Variants in RBM17 observed in about 807,000 individuals in gnomAD.
RBM17 encodes the protein splicing factor 45.
In RBM17, 7 loss-of-function variants were observed where a neutral mutation model predicts 53.2. That is an observed-to-expected ratio of 0.13 (90% CI 0.07 to 0.25). The LOEUF is 0.25. RBM17 is among the 10% of genes least tolerant of loss of function. The pLI is 1.00. For synonymous variants in RBM17, 167 were observed against 178.1 expected, an observed-to-expected ratio of 0.94 and a Z score of 0.50; for missense variants, 257 against 496.7, an observed-to-expected ratio of 0.52 and a Z score of 4.59.
Position 6,112,022 on chromosome 10 carries a change from A to G in RBM17, c.705-188A>G, listed in dbSNP as rs1024308998. Among the ~76,000 whole-genome samples the G allele has an allele frequency of 1.3e-5, 2 of 151,962 alleles. No homozygotes were observed. The highest frequency in any genetic ancestry group is 1.5e-5 in the Non-Finnish European group (1 of 67,992). On this transcript the variant is annotated intron_variant, in intron 7 of 11. Coordinates refer to ENST00000379888, the MANE Select transcript of RBM17 (RefSeq NM_032905.5). The surrounding 1 kb of genome is among the most constrained non-coding windows in gnomAD (Gnocchi z 4.4). ...CTGGATTTTATTCATAGCTTTTTCTATTTCTTTCATGCTGCACATCCCCAC... is the reference window on the plus strand; with the variant it reads ...CTGGATTTTATTCATAGCTTTTTCTGTTTCTTTCATGCTGCACATCCCCAC...
chr10:6,108,858 C>T (rs1840794826), intron 6 of RBM17, 116 bp downstream of exon 6: 2 of 466,886 alleles, frequency 4.3e-6, no homozygotes, highest in Admixed American at 9.9e-5. Context: ...GCCTGCAAGC[C>T]TGCCTGGCTC....
In RBM17 at chr10:6,110,008, A is replaced by C; in HGVS notation, c.585A>C (p.Glu195Asp). ...DKELPRDFPY[E>D]EDSRPRSQSS... is the part of the protein sequence containing the mutation. Reference sequence around the variant, plus strand: ...TAGTACCCCGAGATTTTCCTTATGAAGAGGACTCAAGACCTCGATCACAGT... The same window carrying C: ...TAGTACCCCGAGATTTTCCTTATGACGAGGACTCAAGACCTCGATCACAGT... The change falls in exon 7 of 12, where the codon GAA becomes GAC. Residue 195 changes from glutamate to aspartate, a missense_variant. Around this residue, in one of 6 missense-constraint regions of RBM17, gnomAD observed 68 missense variants for 60.0 expected, o/e 1.13. Coordinates refer to ENST00000379888, the MANE Select transcript of RBM17 (RefSeq NM_032905.5). 6.2e-7 allele frequency: 1 copy of C among 1,609,888 alleles called. No individual in the cohort carries two copies. The highest frequency in any genetic ancestry group is 8.5e-7 in the Non-Finnish European group (1 of 1,177,680).
rs1161912788 is a variant in RBM17, at chr10:6,097,080, T to A, written c.15T>A (p.Asp5Glu). Residue 5 changes from aspartate (D) to glutamate (E), a missense_variant, in exon 2 of 12, where the codon GAT becomes GAA. Around this residue, in one of 6 missense-constraint regions of RBM17, gnomAD observed 127 missense variants for 217.2 expected, o/e 0.58. Coordinates refer to ENST00000379888, the MANE Select transcript of RBM17 (RefSeq NM_032905.5). MSLY[D>E]DLGVETSDSK... Reference sequence around the variant, plus strand: ...CTGAAGAAAAGATGTCCCTGTACGATGACCTAGGAGTGGAGACCAGTGACT... The same window carrying A: ...CTGAAGAAAAGATGTCCCTGTACGAAGACCTAGGAGTGGAGACCAGTGACT... The A allele has an allele frequency of 1.2e-6, 2 of 1,613,594 alleles. No homozygotes were observed. Among genetic ancestry groups the A allele is most frequent in the East Asian group, 2.2e-5 (1 of 44,886 alleles).
chr10:6,100,235 A>G (rs1330989745), intron 2 of RBM17, among the ~76,000 whole-genome samples: 1 of 152,186 alleles, frequency 6.6e-6, no homozygotes, highest in Non-Finnish European at 1.5e-5. Flanking sequence ...AAAATTTGTA[A>G]CACTTTAAAT....
Position 6,097,975 on chromosome 10 carries a change from C to T in RBM17, c.123+787C>T, listed in dbSNP as rs79593595. Reference sequence around the variant, plus strand: ...TGAGGGCTCAGGTTGATTGTGAAGGCGTCAGGCATAGGTAGTCTGGATGCT... The same window carrying T: ...TGAGGGCTCAGGTTGATTGTGAAGGTGTCAGGCATAGGTAGTCTGGATGCT... On this transcript the variant is annotated intron_variant, in intron 2 of 11. Coordinates refer to ENST00000379888, the MANE Select transcript of RBM17 (RefSeq NM_032905.5). 1.6e-4 allele frequency among the ~76,000 whole-genome samples: 25 copies of T among 152,264 alleles called. 1 individual carries two copies. The highest frequency in any genetic ancestry group is 3.4e-4 in the Non-Finnish European group (23 of 68,018).
chr10:6,096,080 G>A (rs551461908), intron 1 of RBM17, among the ~76,000 whole-genome samples: 1 of 152,260 alleles, frequency 6.6e-6, no homozygotes, highest in South Asian at 2.1e-4. Flanking sequence ...GCATTTACTT[G>A]CAATTTGTGG....
chr10:6,091,338 C>G (rs1178607757), intron 1 of RBM17, among the ~76,000 whole-genome samples: 1 of 152,122 alleles, frequency 6.6e-6, no homozygotes, highest in Admixed American at 6.5e-5. Flanking sequence ...GGATTACAGG[C>G]GTGAGCCACT....
chr10:6,108,195 G>A (rs754158510), intron 5 of RBM17, among the ~76,000 whole-genome samples: 2 of 152,168 alleles, frequency 1.3e-5, no homozygotes, highest in Non-Finnish European at 2.9e-5. Context: ...GGGAGATATG[G>A]CAACGCAGGG....
rs558503608 is a variant in RBM17 at position 6,106,257 on chromosome 10, T to C, written c.505+19T>C. ...AAAAGAAGTAAGGCATGAACAAATA[T>C]GTCTTAAACATATATAAATACTGGA... is the stretch of plus-strand genomic sequence containing the variant. On this transcript the variant is annotated intron_variant, in intron 5 of 11. Transcript: ENST00000379888. 8.0e-6 allele frequency: 12 copies of C among 1,498,236 alleles called. No individual in the cohort carries two copies. The highest frequency in any genetic ancestry group is 4.5e-5 in the South Asian group (4 of 88,066). The allele number at this position is 1,498,236 out of a possible 1,614,324, so 92.8% of individuals were successfully genotyped here.
chr10:6,107,323 G>GTGC (rs1482318520), intron 5 of RBM17, among the ~76,000 whole-genome samples: 2 of 151,750 alleles, frequency 1.3e-5, no homozygotes, highest in Non-Finnish European at 2.9e-5. Context: ...GATTACAGGT[G>GTGC]TGCGCTACCA....
chr10:6,099,944 G>T (rs1840646671), intron 2 of RBM17, among the ~76,000 whole-genome samples: 1 of 152,014 alleles, frequency 6.6e-6, no homozygotes, highest in Non-Finnish European at 1.5e-5. Context: ...TGTAATCCCA[G>T]CTACTCTGGA....
At chr10:6,107,474 G>A (rs1367082182) in intron 5 of RBM17, among the ~76,000 whole-genome samples, 3 of 53,490 alleles carry the variant, frequency 5.6e-5, no homozygotes, top group Non-Finnish European at 1.2e-4. Context: ...CACTGCACCC[G>A]GCCTCTTTTT....
intron 10 of RBM17, 200 bp from the exon 11 acceptor site, chr10:6,115,039 T>C: frequency 6.9e-6 from 4 of 577,506 alleles, no homozygotes; most frequent in Non-Finnish European, 1.2e-5. Context: ...TCCTGGCACC[T>C]AACAATGCCT....
chr10:6,106,139 A>G lies in RBM17; in HGVS notation c.408-2A>G. On this transcript the variant is annotated splice_acceptor_variant, in intron 4 of 11. Transcript: ENST00000379888. LOFTEE classifies it high-confidence loss of function. ...GAACATTTATTTCCTTTGTTATCAC[A>G]GAAGGCGTAAAGACAGACATGAAGC... is the stretch of plus-strand genomic sequence containing the variant. 6.2e-7 allele frequency: 1 copy of G among 1,607,392 alleles called. No individual in the cohort carries two copies. The highest frequency in any genetic ancestry group is 8.5e-7 in the Non-Finnish European group (1 of 1,173,938).
intron 1 of RBM17, among the ~76,000 whole-genome samples, chr10:6,094,600 A>G (rs978083118): frequency 6.6e-6 from 1 of 152,236 alleles, no homozygotes; most frequent in African/African-American, 2.4e-5. Context: ...TGAAAGGTGC[A>G]TGGTCATTTC....
chr10:6,113,945 T>C, intron 9 of RBM17, 104 bp from the exon 10 acceptor site: 1 of 733,772 alleles, frequency 1.4e-6, no homozygotes, highest in Admixed American at 2.9e-5. Context: ...TTATGTCGTT[T>C]GGGATTGAGA....
intron 2 of RBM17, among the ~76,000 whole-genome samples, chr10:6,098,563 G>GTCTTTTTTTTTTTTTT (rs1554834988): frequency 2.1e-5 from 1 of 46,644 alleles, no homozygotes; most frequent in Non-Finnish European, 4.4e-5. Flanking sequence ...CAGGTTTTTT[G>GTCTTTTTTTTTTTTTT]TTTTTTTTTT....
chr10:6,091,465 C>T (rs1210105658), intron 1 of RBM17, among the ~76,000 whole-genome samples: 1 of 152,188 alleles, frequency 6.6e-6, no homozygotes, highest in Non-Finnish European at 1.5e-5. Context: ...TCTTTAGGTG[C>T]TCAGAACTCA....
In RBM17 at chr10:6,115,316, G is replaced by T; in HGVS notation, c.1102+5G>T. On this transcript the variant is annotated splice_donor_5th_base_variant and intron_variant, in intron 11 of 11. Coordinates refer to ENST00000379888, the MANE Select transcript of RBM17 (RefSeq NM_032905.5). ...GAGTTGAATCAGCAATTAAAGGTTA[G>T]TGGTACAGCTAAATATTAAAGAATA... The T allele has an allele frequency of 6.2e-7, 1 of 1,605,832 alleles. No homozygotes were observed. The highest frequency in any genetic ancestry group is 8.5e-7 in the Non-Finnish European group (1 of 1,172,764).
Sources: allele counts gnomAD v4.1 joint callset (sites outside exome capture counted in the v4.1 genomes callset), GRCh38; gene constraint gnomAD v4.1.1; regional missense constraint gnomAD v4.1.1; non-coding constraint Gnocchi (gnomAD v3.1); transcripts MANE v1.5; gene names NCBI Gene and HGNC (gene_info 2026-07-23, HGNC 2026-07-21).